The following NAALADL2 variants were observed in gnomAD, a reference collection of about 807,000 sequenced individuals.
NAALADL2 encodes N-acetylated alpha-linked acidic dipeptidase like 2, also known as inactive N-acetylated-alpha-linked acidic dipeptidase-like protein 2.
NAALADL2 carries 76 observed loss-of-function variants against 87.2 expected under a neutral mutation model. That is an observed-to-expected ratio of 0.87 (90% CI 0.72 to 1.05). The LOEUF (loss-of-function observed/expected upper bound fraction) is 1.05, where lower values mean the gene tolerates loss of function less well. NAALADL2 is among the 50% of genes least tolerant of loss of function. The pLI is 0.00. For missense variants in NAALADL2, 1,089 were observed against 945.8 expected, an observed-to-expected ratio of 1.15 and a Z score of -1.99; for synonymous variants, 354 against 331.0, an observed-to-expected ratio of 1.07 and a Z score of -0.75.
Position 175,142,795 on chromosome 3 carries a change from TGGCTATTTGA to T in NAALADL2, c.545+45505_545+45514del, listed in dbSNP as rs955409217. 7.9e-5 allele frequency among the ~76,000 whole-genome samples: 12 copies of T among 151,984 alleles called. 1 individual carries two copies. Among genetic ancestry groups the T allele is most frequent in the Non-Finnish European group, 1.2e-4 (8 of 67,900 alleles). On this transcript the variant is annotated intron_variant, in intron 2 of 13. Transcript: ENST00000454872. Reference sequence around the variant, plus strand: ...TTAATATTTGATTCTTACATGATTTTGGCTATTTGAAATGTATTTTAACTTGTCAAACTCT... The same window carrying T: ...TTAATATTTGATTCTTACATGATTTTAATGTATTTTAACTTGTCAAACTCT...
intron 4 of NAALADL2, among the ~76,000 whole-genome samples, chr3:175,264,906 G>C (rs1302098924): frequency 6.6e-6 from 1 of 151,504 alleles, no homozygotes; most frequent in Non-Finnish European, 1.5e-5. Flanking sequence ...TATCAAGTAT[G>C]GTTCCCAAAA....
intron 11 of NAALADL2, among the ~76,000 whole-genome samples, chr3:175,694,189 A>C (rs1179405776): frequency 6.6e-6 from 1 of 152,182 alleles, no homozygotes; most frequent in East Asian, 1.9e-4. Context: ...CAATATAGAC[A>C]TTATATAGTT....
chr3:174,785,658 T>C (rs1165627241), intron 3 of NAALADL2, among the ~76,000 whole-genome samples: 1 of 152,198 alleles, frequency 6.6e-6, no homozygotes, highest in African/African-American at 2.4e-5. Context: ...CACGTGATGT[T>C]GTGTTGCTAC....
chr3:175,737,036 A>G (rs1279332356), intron 11 of NAALADL2, among the ~76,000 whole-genome samples: 2 of 152,196 alleles, frequency 1.3e-5, no homozygotes, highest in African/African-American at 4.8e-5. Context: ...TCAATTAGGG[A>G]AGGCATTTCT....
At chr3:175,746,131 A>G (rs975150057) in intron 12 of NAALADL2, among the ~76,000 whole-genome samples, 1 of 151,942 alleles carries the variant, frequency 6.6e-6, no homozygotes. Flanking sequence ...TGTTCTTTGA[A>G]TAACTGACAA....
chr3:175,656,721 A>ATGTG (rs373183644), intron 11 of NAALADL2, among the ~76,000 whole-genome samples: 4 of 148,456 alleles, frequency 2.7e-5, no homozygotes, highest in Admixed American at 1.3e-4. Context: ...GTGTGTGTGT[A>ATGTG]TGTGTGTGTG....
rs780559639 is a variant in NAALADL2 at position 174,753,747 on chromosome 3, A to G, written c.-9+16001A>G. On this transcript the variant is annotated intron_variant, in intron 3 of 3. Coordinates refer to the NAALADL2 transcript ENST00000434257. Reference sequence around the variant, plus strand: ...TGTTTGTTCCAGCAAAGTCCCCACTATGCACTGAATTGTGTCCCTTCCAAA... The same window carrying G: ...TGTTTGTTCCAGCAAAGTCCCCACTGTGCACTGAATTGTGTCCCTTCCAAA... Among the ~76,000 whole-genome samples the G allele has an allele frequency of 6.6e-4, 101 of 152,154 alleles. 1 individual carries two copies. The highest frequency in any genetic ancestry group is 1.2e-3 in the South Asian group (6 of 4,834).
chr3:174,693,218 A>G (rs993359078), intron 2 of NAALADL2, among the ~76,000 whole-genome samples: 4 of 152,104 alleles, frequency 2.6e-5, no homozygotes, highest in African/African-American at 4.8e-5. Context: ...ACTGAATGCT[A>G]AAGTCCATGC....
At chr3:175,096,510 G>A (rs1435399349) in intron 1 of NAALADL2, among the ~76,000 whole-genome samples, 1 of 117,528 alleles carries the variant, frequency 8.5e-6, no homozygotes, top group African/African-American at 3.8e-5. Flanking sequence ...GTGTGTGTGT[G>A]TGTGTGTGTG....
intron 3 of NAALADL2, among the ~76,000 whole-genome samples, chr3:174,780,828 T>C (rs13322810): frequency 0.013 from 2,006 of 152,254 alleles, 51 homozygotes; most frequent in African/African-American, 0.047. Flanking sequence ...ATTATGATGC[T>C]AGCTGGTTAT....
intron 2 of NAALADL2, among the ~76,000 whole-genome samples, chr3:174,666,853 C>A (rs983143145): frequency 6.6e-6 from 1 of 152,134 alleles, no homozygotes; most frequent in African/African-American, 2.4e-5. Flanking sequence ...CAACCTCCAG[C>A]CCCTGCAAAC....
intron 5 of NAALADL2, among the ~76,000 whole-genome samples, chr3:175,393,810 C>G (rs1033085801): frequency 6.6e-6 from 1 of 152,186 alleles, no homozygotes. Flanking sequence ...GTCCAACACA[C>G]TATCCATACC....
intron 3 of NAALADL2, among the ~76,000 whole-genome samples, chr3:174,794,261 A>G (rs1194031055): frequency 6.6e-6 from 1 of 152,166 alleles, no homozygotes; most frequent in African/African-American, 2.4e-5. Context: ...TCAATAACTC[A>G]TGAAAAAAGC....
intron 5 of NAALADL2, among the ~76,000 whole-genome samples, chr3:175,359,000 C>G (rs1331694414): frequency 2.0e-5 from 3 of 152,050 alleles, no homozygotes. Context: ...TTAGGGACTG[C>G]TCTAGGGTTC....
At chr3:174,720,449 T>C (rs1731604302) in intron 2 of NAALADL2, among the ~76,000 whole-genome samples, 1 of 152,126 alleles carries the variant, frequency 6.6e-6, no homozygotes, top group Non-Finnish European at 1.5e-5. Flanking sequence ...TATAGAGAGA[T>C]ATAGCTACAG....
chr3:175,557,605 G>C (rs1018987509), intron 9 of NAALADL2, among the ~76,000 whole-genome samples: 1 of 151,966 alleles, frequency 6.6e-6, no homozygotes, highest in African/African-American at 2.4e-5. Context: ...ATCTCTGAGA[G>C]TTCAATTATT....
At chr3:174,973,031 C>T (rs939111165) in intron 1 of NAALADL2, among the ~76,000 whole-genome samples, 1 of 149,718 alleles carries the variant, frequency 6.7e-6, no homozygotes. Context: ...TTAATTTAAA[C>T]TGGTTGTGAC....
intron 11 of NAALADL2, among the ~76,000 whole-genome samples, chr3:175,646,492 A>C (rs2149775922): frequency 6.6e-6 from 1 of 152,178 alleles, no homozygotes; most frequent in South Asian, 2.1e-4. Flanking sequence ...CTCTGCATGT[A>C]GTCATTTTTT....
chr3:175,086,894 A>G (rs1268400421), intron 1 of NAALADL2, among the ~76,000 whole-genome samples: 2 of 152,116 alleles, frequency 1.3e-5, no homozygotes, highest in African/African-American at 4.8e-5. Context: ...CTAAACATCT[A>G]TTTTTATTAA....
Sources: gnomAD v4.1 joint callset for allele counts (sites outside exome capture counted in the v4.1 genomes callset) on GRCh38, gnomAD v4.1.1 for gene constraint, MANE v1.5 for transcripts, NCBI Gene and HGNC (gene_info 2026-07-23, HGNC 2026-07-21) for gene names.